ATP8A1: variants seen among roughly 807,000 people sequenced by gnomAD.
ATP8A1 encodes phospholipid-transporting ATPase IA.
Under a neutral mutation model 177.7 loss-of-function variants are expected in ATP8A1, and 90 were observed. That is an observed-to-expected ratio of 0.51 (90% CI 0.43 to 0.60). ATP8A1 has a LOEUF of 0.60. ATP8A1 is among the 20% of genes least tolerant of loss of function. The pLI is 0.00. For synonymous variants in ATP8A1, 493 were observed against 485.9 expected, an observed-to-expected ratio of 1.01 and a Z score of -0.19; for missense variants, 1,072 against 1,392.8, an observed-to-expected ratio of 0.77 and a Z score of 3.67.
intron 24 of ATP8A1, among the ~76,000 whole-genome samples, chr4:42,492,606 C>T (rs1234776466): frequency 6.6e-6 from 1 of 152,184 alleles, no homozygotes; most frequent in African/African-American, 2.4e-5. Context: ...AAATCTGCTG[C>T]CACCTTGATC....
At chr4:42,501,109 G>A (rs1471592667) in intron 24 of ATP8A1, among the ~76,000 whole-genome samples, 1 of 152,058 alleles carries the variant, frequency 6.6e-6, no homozygotes, top group African/African-American at 2.4e-5. Flanking sequence ...TAGAAAATCT[G>A]AACAGAAAAA....
intron 11 of ATP8A1, among the ~76,000 whole-genome samples, chr4:42,579,233 A>G (rs982426878): frequency 2.6e-4 from 40 of 151,596 alleles, no homozygotes; most frequent in Admixed American, 1.2e-3. Flanking sequence ...CTAAGATAAC[A>G]TTTAATATAG....
At position 42,556,052 on chromosome 4, in the gene ATP8A1, A is replaced by G. The variant is rs1290611957; in HGVS notation, c.1341-12T>C. On this transcript the variant is annotated splice_polypyrimidine_tract_variant and intron_variant, in intron 15 of 36. Coordinates refer to ENST00000381668, the MANE Select transcript of ATP8A1 (RefSeq NM_006095.2). ...ACTGTGAGTTCTGCCTGAAGGGGGTAAAAAATAGAGTAAACCCAGTTCATT... is the reference window on the plus strand; with the variant it reads ...ACTGTGAGTTCTGCCTGAAGGGGGTGAAAAATAGAGTAAACCCAGTTCATT... 4 of 1,599,146 alleles carry G rather than the reference A, an allele frequency of 2.5e-6. No homozygotes were observed. The highest frequency in any genetic ancestry group is 1.7e-5 in the Admixed American group (1 of 59,258).
chr4:42,482,549 T>TAA (rs5857848), intron 25 of ATP8A1, among the ~76,000 whole-genome samples: 25,886 of 152,064 alleles, frequency 0.17, 2,405 homozygotes, highest in South Asian at 0.24. Flanking sequence ...AAAACAGTGG[T>TAA]GAGAGAGACA....
intron 5 of ATP8A1, among the ~76,000 whole-genome samples, chr4:42,607,125 T>A (rs1161537047): frequency 6.6e-6 from 1 of 152,238 alleles, no homozygotes; most frequent in East Asian, 1.9e-4. Context: ...CAACACTTGC[T>A]GCATGGGCCT....
At position 42,408,725 on chromosome 4, in the gene ATP8A1, T is replaced by C. The variant is rs1445836851; in HGVS notation, c.*4191A>G. On this transcript the variant is annotated 3_prime_UTR_variant, in exon 37 of 37. Coordinates refer to ENST00000381668, the MANE Select transcript of ATP8A1 (RefSeq NM_006095.2). ...GCTGCCTTCCAAGGCTGCCCTGTTT[T>C]TCTTAACCTAATAAACTTGAAAATG... 6.6e-6 allele frequency: 1 copy of C among 152,196 alleles called. No individual in the cohort carries two copies. Among genetic ancestry groups the C allele is most frequent in the Non-Finnish European group, 1.5e-5 (1 of 68,030 alleles). 9.4% of individuals were successfully genotyped at this position (152,196 alleles called of 1,614,324 possible). A position where few individuals can be genotyped will look rare whatever the true frequency, so the allele number is the denominator to read the frequency against.
At chr4:42,631,419 A>G (rs1304981025) in intron 1 of ATP8A1, among the ~76,000 whole-genome samples, 1 of 152,194 alleles carries the variant, frequency 6.6e-6, no homozygotes, top group Admixed American at 6.5e-5. Flanking sequence ...TAATCAATTC[A>G]ACTCTCCCAG....
chr4:42,630,663 G>C (rs535584855), intron 1 of ATP8A1, among the ~76,000 whole-genome samples: 6 of 152,238 alleles, frequency 3.9e-5, no homozygotes, highest in Non-Finnish European at 7.4e-5. Flanking sequence ...CTATTTAACG[G>C]AAATGGACTT....
chr4:42,579,959 A>C lies in ATP8A1; in HGVS notation c.854T>G (p.Leu285Arg). ...AATCCGTTCCACATTTGAGAGCTTAAGTGGTGGACTTGTTGAATTCTGTAA... is the reference window on the plus strand; with the variant it reads ...AATCCGTTCCACATTTGAGAGCTTACGTGGTGGACTTGTTGAATTCTGTAA... Reference protein sequence around the residue: ...KLMQNSTSPPLKLSNVERITN... With the variant: ...KLMQNSTSPPRKLSNVERITN... Residue 285 changes from leucine to arginine, a missense_variant, in exon 11 of 37, where the codon CTT (leucine) becomes CGT (arginine). Transcript: ENST00000381668. The C allele has an allele frequency of 1.9e-6, 3 of 1,603,844 alleles. No individual in the cohort carries two copies. Among genetic ancestry groups the C allele is most frequent in the Non-Finnish European group, 2.6e-6 (3 of 1,175,810 alleles).
intron 1 of ATP8A1, among the ~76,000 whole-genome samples, chr4:42,648,943 A>C (rs1740820871): frequency 6.6e-6 from 1 of 152,218 alleles, no homozygotes; most frequent in Admixed American, 6.5e-5. Context: ...AGGCACTCTC[A>C]TTCACTTTCA....
intron 24 of ATP8A1, among the ~76,000 whole-genome samples, chr4:42,494,202 G>A (rs1261874854): frequency 7.0e-6 from 1 of 142,504 alleles, no homozygotes; most frequent in Non-Finnish European, 1.5e-5. Flanking sequence ...GTCAGGCTTG[G>A]TGGCTCATGT....
chr4:42,651,160 A>G (rs1185445964), intron 1 of ATP8A1, among the ~76,000 whole-genome samples: 1 of 151,140 alleles, frequency 6.6e-6, no homozygotes, highest in African/African-American at 2.4e-5. Flanking sequence ...GCCTTCTGCC[A>G]TGATTGTGAG....
chr4:42,468,275 C>T (rs920892028), intron 25 of ATP8A1, among the ~76,000 whole-genome samples: 5 of 152,128 alleles, frequency 3.3e-5, no homozygotes, highest in African/African-American at 1.2e-4. Flanking sequence ...GCTACTGGGA[C>T]ATGCATGTTT....
chr4:42,486,312 TA>T (rs1319667589), intron 24 of ATP8A1, among the ~76,000 whole-genome samples: 3 of 152,212 alleles, frequency 2.0e-5, no homozygotes, highest in Non-Finnish European at 4.4e-5. Flanking sequence ...CACTTTTAAA[TA>T]AGGAAGAGGA....
In ATP8A1 at chr4:42,555,094, T is replaced by G. The variant is rs576175540; in HGVS notation, c.1413+874A>C. ...ACTCCCCTTTGTGTGTGTATCTATC[T>G]ATCTATCTATCTATCTATCTATCTA... On this transcript the variant is annotated intron_variant, in intron 16 of 36. Coordinates refer to ENST00000381668, the MANE Select transcript of ATP8A1 (RefSeq NM_006095.2). Among the ~76,000 whole-genome samples the G allele has an allele frequency of 2.2e-4, 15 of 69,756 alleles. No individual in the cohort carries two copies. The South Asian group carries it at 5.3e-3, about 25-fold the overall frequency. 45.8% of individuals were successfully genotyped at this position (69,756 alleles called of 152,430 possible). A position where few individuals can be genotyped will look rare whatever the true frequency, so the allele number is the denominator to read the frequency against.
intron 4 of ATP8A1, among the ~76,000 whole-genome samples, chr4:42,618,852 A>T (rs1224976468): frequency 6.6e-6 from 1 of 151,788 alleles, no homozygotes; most frequent in Non-Finnish European, 1.5e-5. Flanking sequence ...ATATATCTTC[A>T]TTTTTTTTAC....
intron 13 of ATP8A1, 125 bp from the exon 14 acceptor site, chr4:42,574,832 T>G (rs1307274582): frequency 3.7e-5 from 23 of 626,514 alleles, no homozygotes; most frequent in Non-Finnish European, 5.7e-5. Context: ...GGAACTATTT[T>G]CTGCCCATTT....
chr4:42,632,631 CT>C (rs1283847252), intron 1 of ATP8A1, among the ~76,000 whole-genome samples: 1 of 152,150 alleles, frequency 6.6e-6, no homozygotes, highest in Non-Finnish European at 1.5e-5. Flanking sequence ...AAGCAACATC[CT>C]TCTGGTGACT....
At chr4:42,581,194 C>A (rs369029591) in intron 10 of ATP8A1, among the ~76,000 whole-genome samples, 1 of 151,798 alleles carries the variant, frequency 6.6e-6, no homozygotes, top group South Asian at 2.1e-4. Flanking sequence ...AGTACAGTGG[C>A]GCGATCTCGG....
Sources: allele counts gnomAD v4.1 joint callset (sites outside exome capture counted in the v4.1 genomes callset), GRCh38; gene constraint gnomAD v4.1.1; transcripts MANE v1.5; gene names NCBI Gene and HGNC (gene_info 2026-07-23, HGNC 2026-07-21).